MAB21L3: variants seen among roughly 807,000 people sequenced by gnomAD.
MAB21L3 encodes the protein protein mab-21-like 3.
A neutral mutation model predicts 37.7 loss-of-function variants in MAB21L3; 36 were observed. The ratio of observed to expected loss-of-function variants is 0.96; its 90% confidence interval spans 0.73 to 1.26. The LOEUF is 1.26. Among genes scored for constraint, MAB21L3 ranks in the 50% most tolerant of loss-of-function variants. The pLI, the probability that MAB21L3 is intolerant of heterozygous loss-of-function variation, is 0.00. For synonymous variants in MAB21L3, 186 were observed against 176.8 expected (o/e 1.05, Z -0.41); for missense variants, 430 against 447.3 (o/e 0.96, Z 0.35).
Position 116,120,876 on chromosome 1 carries a change from G to C in MAB21L3, c.49-56G>C. 2 of 1,601,012 alleles carry C rather than the reference G, an allele frequency of 1.2e-6. 1 individual carries two copies. Among genetic ancestry groups the C allele is most frequent in the Non-Finnish European group, 1.7e-6 (2 of 1,173,804 alleles). On this transcript the variant is annotated intron_variant, in intron 3 of 7. Transcript: ENST00000369500. Reference sequence around the variant, plus strand: ...CTTGTCTCCTCACTCTCTTATGCTGGTATCTTGGGGCCCACAGAGGAAATA... The same window carrying C: ...CTTGTCTCCTCACTCTCTTATGCTGCTATCTTGGGGCCCACAGAGGAAATA...
chr1:116,128,104 A>G (rs1385939727), intron 6 of MAB21L3, 41 bp from the exon 7 acceptor site: 7 of 1,580,194 alleles, frequency 4.4e-6, no homozygotes, highest in Non-Finnish European at 6.0e-6. Flanking sequence ...ACCAGTGAGC[A>G]TTGTTCTTCT....
At chr1:116,120,314 C>G (rs1241878985) in intron 3 of MAB21L3, among the ~76,000 whole-genome samples, 2 of 151,974 alleles carry the variant, frequency 1.3e-5, no homozygotes, top group Non-Finnish European at 2.9e-5. Flanking sequence ...ATTGCCCACC[C>G]TAACTAAAAT....
At chr1:116,121,157 C>A in intron 4 of MAB21L3, 85 bp downstream of exon 4, 1 of 1,319,254 alleles carries the variant, frequency 7.6e-7, no homozygotes, top group Non-Finnish European at 1.1e-6. Context: ...CAGATGCTTG[C>A]CTCACTCAGA....
chr1:116,117,162 CATATATAT>C (rs35799148), intron 3 of MAB21L3, among the ~76,000 whole-genome samples: 15 of 114,554 alleles, frequency 1.3e-4, no homozygotes, highest in South Asian at 2.8e-4. Flanking sequence ...AATATACATA[CATATATAT>C]ATATATATAT....
chr1:116,128,777 C>T (rs1000552443), intron 7 of MAB21L3, among the ~76,000 whole-genome samples: 9 of 152,176 alleles, frequency 5.9e-5, no homozygotes, highest in Non-Finnish European at 1.2e-4. Flanking sequence ...AGCCTACGCA[C>T]ACCTCCTCAT....
At position 116,137,734 on chromosome 1, in the gene MAB21L3, CAAT is replaced by C. The variant is rs1660223676; in HGVS notation, c.*4370_*4372del. On this transcript the variant is annotated 3_prime_UTR_variant, in exon 8 of 8. Coordinates refer to ENST00000369500, the MANE Select transcript of MAB21L3 (RefSeq NM_152367.3). ...ACTTGGAACCAACCCAAATATCCAA[CAAT>C]GATAGAGTGGATTAAGAAAATGTGG... is the stretch of plus-strand genomic sequence containing the variant. Among the ~76,000 whole-genome samples the C allele has an allele frequency of 6.6e-6, 1 of 151,988 alleles. No homozygotes were observed. The highest frequency in any genetic ancestry group is 1.5e-5 in the Non-Finnish European group (1 of 68,008).
Position 116,112,622 on chromosome 1 carries a change from T to C in MAB21L3, c.7T>C (p.Tyr3His). 1 of 1,612,230 alleles carries C rather than the reference T, an allele frequency of 6.2e-7. No individual in the cohort carries two copies. The stretch of plus-strand genomic sequence containing the variant: ...GAGGACTGACCAAGAAGCCATGAAA[T>C]ACCTTACTGTGGGAGACTTAGAAGA... MK[Y>H]LTVGDLEDCL... The change falls in exon 3 of 8, where the codon TAC becomes CAC. Residue 3 changes from tyrosine (Y) to histidine (H), a missense_variant. Transcript: ENST00000369500.
At chr1:116,116,484 C>A (rs888534492) in intron 3 of MAB21L3, among the ~76,000 whole-genome samples, 1 of 152,142 alleles carries the variant, frequency 6.6e-6, no homozygotes, top group African/African-American at 2.4e-5. Flanking sequence ...TACATGGAGA[C>A]CTAGGACTCC....
At chr1:116,125,128 T>C (rs933341945) in intron 5 of MAB21L3, among the ~76,000 whole-genome samples, 1 of 151,866 alleles carries the variant, frequency 6.6e-6, no homozygotes, top group Non-Finnish European at 1.5e-5. Flanking sequence ...ATATACCTAA[T>C]GTTGGGTGCA....
chr1:116,128,009 C>G (rs1659959391), intron 6 of MAB21L3, 136 bp from the exon 7 acceptor site: 1 of 899,404 alleles, frequency 1.1e-6, no homozygotes, highest in Non-Finnish European at 1.7e-6. Context: ...CCCTGGCACC[C>G]CCTTCTCATC....
rs1182874850 is a variant in MAB21L3, at chr1:116,112,675, C to A, written c.48+12C>A. 18 of 1,613,720 alleles carry A rather than the reference C, an allele frequency of 1.1e-5. No individual in the cohort carries two copies. The highest frequency in any genetic ancestry group is 1.5e-5 in the Non-Finnish European group (18 of 1,179,670). On this transcript the variant is annotated intron_variant, in intron 3 of 7. Transcript: ENST00000369500. The stretch of plus-strand genomic sequence containing the variant: ...GCCTACTGAATAAGGTAAGGACAGA[C>A]CCGGTCTCTCCCATGAACCCCCTCC...
intron 5 of MAB21L3, among the ~76,000 whole-genome samples, chr1:116,127,163 C>A (rs1013044252): frequency 6.6e-6 from 1 of 151,540 alleles, no homozygotes; most frequent in African/African-American, 2.4e-5. Context: ...TGAAAAGAAT[C>A]TATTAATTTA....
At chr1:116,132,262 G>A (rs984199404) in intron 7 of MAB21L3, among the ~76,000 whole-genome samples, 3 of 152,284 alleles carry the variant, frequency 2.0e-5, no homozygotes, top group East Asian at 3.9e-4. Flanking sequence ...GCCTAGAATT[G>A]AGCCTCCAGA....
intron 7 of MAB21L3, among the ~76,000 whole-genome samples, chr1:116,131,043 T>C (rs1305619828): frequency 1.3e-5 from 2 of 152,222 alleles, no homozygotes; most frequent in African/African-American, 2.4e-5. Context: ...AATTCACTTA[T>C]TCAATAAATG....
Position 116,137,667 on chromosome 1 carries a change from CA to C in MAB21L3, c.*4303del, listed in dbSNP as rs1331922978. Reference sequence around the variant, plus strand: ...TATAAATCATGCTGCTATAAAGACACATGCACACGTATGTTTATTGCGGCAT... The same window carrying C: ...TATAAATCATGCTGCTATAAAGACACTGCACACGTATGTTTATTGCGGCAT... On this transcript the variant is annotated 3_prime_UTR_variant, in exon 8 of 8. Coordinates refer to ENST00000369500, the MANE Select transcript of MAB21L3 (RefSeq NM_152367.3). Among the ~76,000 whole-genome samples, 1 of 151,544 alleles carries C rather than the reference CA, an allele frequency of 6.6e-6. No homozygotes were observed. The highest frequency in any genetic ancestry group is 1.5e-5 in the Non-Finnish European group (1 of 68,006).
chr1:116,112,453 G>T lies in MAB21L3; in HGVS notation c.-163G>T, dbSNP rs545282252. On this transcript the variant is annotated 5_prime_UTR_variant, in exon 3 of 8. Transcript: ENST00000369500. ...TTTGGAAATAAAAACATGAGTGAAG[G>T]GTTCGGAAGGCAAGTCTCTGGTCCA... 115 of 509,482 alleles carry T rather than the reference G, an allele frequency of 2.3e-4. No homozygotes were observed. The highest frequency in any genetic ancestry group is 2.1e-5 in the Non-Finnish European group (6 of 283,400). The allele number at this position is 509,482 out of a possible 1,614,324, so 31.6% of individuals were successfully genotyped here. A position where few individuals can be genotyped will look rare whatever the true frequency, so the allele number is the denominator to read the frequency against.
intron 5 of MAB21L3, 125 bp from the exon 6 acceptor site, chr1:116,127,340 AT>A: frequency 1.2e-6 from 1 of 827,678 alleles, no homozygotes; most frequent in Non-Finnish European, 1.9e-6. Context: ...TGCTACAGAC[AT>A]TGTGAAAGTT....
At chr1:116,115,086 C>A (rs1302261739) in intron 3 of MAB21L3, among the ~76,000 whole-genome samples, 2 of 152,102 alleles carry the variant, frequency 1.3e-5, no homozygotes, top group East Asian at 1.9e-4. Context: ...GGAACCTGGG[C>A]AAATTACTTA....
chr1:116,118,526 T>C (rs779367420), intron 3 of MAB21L3, among the ~76,000 whole-genome samples: 1 of 152,240 alleles, frequency 6.6e-6, no homozygotes, highest in Admixed American at 6.5e-5. Flanking sequence ...AATCCTATTC[T>C]AGCTGTCAGA....
Sources: gnomAD v4.1 joint callset for allele counts (sites outside exome capture counted in the v4.1 genomes callset) on GRCh38, gnomAD v4.1.1 for gene constraint, MANE v1.5 for transcripts, NCBI Gene and HGNC (gene_info 2026-07-23, HGNC 2026-07-21) for gene names.